The following NRG1 variants were observed in gnomAD, a reference collection of about 807,000 sequenced individuals.
NRG1 encodes the protein neuregulin 1, also known as pro-neuregulin-1, membrane-bound isoform.
In NRG1, 18 loss-of-function variants were observed where a neutral mutation model predicts 63.8. The observed-to-expected ratio is 0.28, with a 90% CI of 0.19 to 0.42. NRG1 has a LOEUF of 0.42. Ranked by LOEUF, NRG1 falls within the 10% of genes least tolerant of loss-of-function variation. NRG1 has a pLI of 1.00. For missense variants in NRG1, 762 were observed against 814.7 expected, an observed-to-expected ratio of 0.94 and a Z score of 0.79; for synonymous variants, 302 against 301.3, an observed-to-expected ratio of 1.00 and a Z score of -0.02.
intron 1 of NRG1, among the ~76,000 whole-genome samples, chr8:31,921,071 C>A (rs550219122): frequency 2.0e-5 from 3 of 152,204 alleles, no homozygotes; most frequent in African/African-American, 7.2e-5. Context: ...ACTAAGAAAT[C>A]AAACTGTGTG....
At chr8:32,452,811 A>G (rs1354635206) in intron 1 of NRG1, among the ~76,000 whole-genome samples, 3 of 152,202 alleles carry the variant, frequency 2.0e-5, no homozygotes, top group Non-Finnish European at 4.4e-5. Flanking sequence ...AAGAAATACT[A>G]AAGTGTTTTT....
intron 10 of NRG1, among the ~76,000 whole-genome samples, chr8:32,759,938 C>T (rs1830392373): frequency 6.6e-6 from 1 of 152,098 alleles, no homozygotes; most frequent in African/African-American, 2.4e-5. Flanking sequence ...TAATTATATA[C>T]TGAGGAGTGG....
chr8:31,852,435 C>T (rs143131273), intron 1 of NRG1, among the ~76,000 whole-genome samples: 6,352 of 152,188 alleles, frequency 0.042, 423 homozygotes, highest in African/African-American at 0.14. Flanking sequence ...TCACGTCCTA[C>T]GCCCACTTCT....
At chr8:31,732,701 G>A (rs1381179999) in intron 1 of NRG1, among the ~76,000 whole-genome samples, 1 of 152,020 alleles carries the variant, frequency 6.6e-6, no homozygotes, top group East Asian at 1.9e-4. Flanking sequence ...AACCAGCCTG[G>A]CTGGTCAACA....
intron 1 of NRG1, among the ~76,000 whole-genome samples, chr8:31,834,412 A>T (rs1042073101): frequency 1.3e-5 from 2 of 152,224 alleles, no homozygotes; most frequent in African/African-American, 2.4e-5. Flanking sequence ...TAATCTGTAG[A>T]AGATGCTACA....
At chr8:32,171,294 G>A (rs1033181600) in intron 1 of NRG1, 1 of 152,120 alleles carries the variant, frequency 6.6e-6, no homozygotes, top group Admixed American at 6.6e-5. Context: ...TGTTACATTG[G>A]TATATGTGTG....
chr8:32,163,398 C>T (rs1403600903), intron 1 of NRG1, among the ~76,000 whole-genome samples: 1 of 152,168 alleles, frequency 6.6e-6, no homozygotes, highest in African/African-American at 2.4e-5. Flanking sequence ...CAAGTGTGGG[C>T]AGACTTTTGT....
At chr8:32,678,757 T>G (rs1023227484) in intron 5 of NRG1, among the ~76,000 whole-genome samples, 1 of 152,206 alleles carries the variant, frequency 6.6e-6, no homozygotes, top group African/African-American at 2.4e-5. Flanking sequence ...CCATTTTCAT[T>G]ACTTTATGTG....
intron 1 of NRG1, among the ~76,000 whole-genome samples, chr8:31,856,342 TC>T (rs1476261497): frequency 6.6e-6 from 1 of 152,196 alleles, no homozygotes; most frequent in African/African-American, 2.4e-5. Context: ...AAACTTCCCT[TC>T]TTGCTTCATT....
chr8:31,778,225 A>T (rs1819338285), intron 1 of NRG1, among the ~76,000 whole-genome samples: 1 of 152,082 alleles, frequency 6.6e-6, no homozygotes, highest in South Asian at 2.1e-4. Flanking sequence ...CTATTACTCA[A>T]TGCCACTACT....
intron 5 of NRG1, among the ~76,000 whole-genome samples, chr8:32,637,591 T>G (rs554692415): frequency 2.8e-4 from 42 of 152,334 alleles, no homozygotes; most frequent in African/African-American, 9.1e-4. Context: ...TTTGAGCTAC[T>G]GCAGTAATGT....
At chr8:31,809,675 T>C (rs946844958) in intron 1 of NRG1, among the ~76,000 whole-genome samples, 2 of 151,220 alleles carry the variant, frequency 1.3e-5, no homozygotes, top group African/African-American at 4.8e-5. Flanking sequence ...GGCTGTAATG[T>C]ATTGAATCCC....
chr8:32,773,737 G>A (rs572778615), intron 7 of NRG1, among the ~76,000 whole-genome samples: 30 of 152,130 alleles, frequency 2.0e-4, no homozygotes, highest in Non-Finnish European at 3.8e-4. Flanking sequence ...AGAAGACTGT[G>A]TCTAACTTGC....
At chr8:31,914,197 G>A (rs1240357980) in intron 1 of NRG1, among the ~76,000 whole-genome samples, 2 of 152,036 alleles carry the variant, frequency 1.3e-5, no homozygotes, top group Non-Finnish European at 2.9e-5. Context: ...CGTGGATAGA[G>A]AATTCTATGC....
At chr8:32,182,038 C>T (rs1296335102) in intron 1 of NRG1, among the ~76,000 whole-genome samples, 1 of 152,158 alleles carries the variant, frequency 6.6e-6, no homozygotes, top group Admixed American at 6.6e-5. Flanking sequence ...AATTCTACTT[C>T]CATATTACCT....
intron 1 of NRG1, among the ~76,000 whole-genome samples, chr8:32,398,559 C>A (rs1489832464): frequency 1.3e-5 from 2 of 151,966 alleles, no homozygotes; most frequent in Non-Finnish European, 2.9e-5. Flanking sequence ...TACAAGTGCC[C>A]GCCATTATGC....
At chr8:32,539,269 A>G (rs1022825368) in intron 1 of NRG1, among the ~76,000 whole-genome samples, 2 of 152,180 alleles carry the variant, frequency 1.3e-5, no homozygotes, top group African/African-American at 4.8e-5. Context: ...TAATCGCTCT[A>G]TTTTAGAAGA....
chr8:32,162,183 C>T (rs994667509), intron 1 of NRG1, among the ~76,000 whole-genome samples: 1 of 152,188 alleles, frequency 6.6e-6, no homozygotes, highest in Non-Finnish European at 1.5e-5. Flanking sequence ...CAAGACTTCT[C>T]TTTATAAACT....
chr8:32,667,576 A>G (rs547051062), intron 5 of NRG1, among the ~76,000 whole-genome samples: 7 of 152,300 alleles, frequency 4.6e-5, no homozygotes, highest in Admixed American at 3.3e-4. Flanking sequence ...TTATATATTA[A>G]AAATGCTTGT....
Sources: allele counts gnomAD v4.1 joint callset (sites outside exome capture counted in the v4.1 genomes callset), GRCh38; gene constraint gnomAD v4.1.1; transcripts MANE v1.5; gene names NCBI Gene and HGNC (gene_info 2026-07-23, HGNC 2026-07-21).